Variants in RUNX3 observed in about 807,000 individuals in gnomAD.
The protein encoded by RUNX3 is RUNX family transcription factor 3.
A neutral mutation model predicts 27.7 loss-of-function variants in RUNX3; 10 were observed. The observed-to-expected ratio is 0.36, with a 90% CI of 0.22 to 0.61. The LOEUF is 0.61. RUNX3 is among the 20% of genes least tolerant of loss of function. The pLI, the probability that RUNX3 is intolerant of heterozygous loss-of-function variation, is 0.72. For synonymous variants in RUNX3, 270 were observed against 269.2 expected (o/e 1.00, Z -0.03); for missense variants, 469 against 629.5 (o/e 0.75, Z 2.73).
rs997664154 is a variant in RUNX3 at position 24,901,496 on chromosome 1, C to T, written c.*626G>A. On this transcript the variant is annotated 3_prime_UTR_variant, in exon 5 of 5. Coordinates refer to ENST00000308873, the MANE Select transcript of RUNX3 (RefSeq NM_004350.3). ...CCAACAGTTAGGAACGGAGGGGAAG[C>T]TGGGCTGGGGGGACTGGCTTGGATG... 2.0e-5 allele frequency: 3 copies of T among 152,782 alleles called. No homozygotes were observed. Among genetic ancestry groups the T allele is most frequent in the African/African-American group, 7.3e-5 (3 of 41,314 alleles). The allele number at this position is 152,782 out of a possible 1,614,324, so 9.5% of individuals were successfully genotyped here.
intron 2 of RUNX3, among the ~76,000 whole-genome samples, chr1:24,920,344 G>A (rs1457305162): frequency 6.6e-6 from 1 of 152,112 alleles, no homozygotes; most frequent in African/African-American, 2.4e-5. Flanking sequence ...GGCAGCAGAG[G>A]GTTGGGACAT....
intron 2 of RUNX3, among the ~76,000 whole-genome samples, chr1:24,952,130 A>G (rs1641782651): frequency 6.6e-6 from 1 of 152,234 alleles, no homozygotes; most frequent in Non-Finnish European, 1.5e-5. Context: ...GATTCATTTC[A>G]ATGTTGTGCT....
At chr1:24,906,665 C>A (rs1420308258) in intron 4 of RUNX3, among the ~76,000 whole-genome samples, 1 of 152,220 alleles carries the variant, frequency 6.6e-6, no homozygotes, top group Non-Finnish European at 1.5e-5. Flanking sequence ...CTCGGTCTTC[C>A]CTTCCACCTC....
intron 2 of RUNX3, among the ~76,000 whole-genome samples, chr1:24,926,029 G>C (rs1192031896): frequency 6.6e-6 from 1 of 152,188 alleles, no homozygotes; most frequent in Non-Finnish European, 1.5e-5. Flanking sequence ...CGCTTCCCAG[G>C]AGAGAGAGTG....
At position 24,902,421 on chromosome 1, in the gene RUNX3, G is replaced by T; in HGVS notation, c.949C>A (p.Gln317Lys). Residue 317 changes from glutamine (Q) to lysine (K), a missense_variant, in exon 5 of 5, where the codon CAG becomes AAG. Physicochemically the swap from Gln to Lys is moderately conservative, Grantham distance 53. This residue lies in a region of RUNX3 where 279 missense variants were observed against 343.0 expected (regional missense o/e 0.81). Coordinates refer to ENST00000308873, the MANE Select transcript of RUNX3 (RefSeq NM_004350.3). This position sits in a 1 kb window ranked among gnomAD's most constrained non-coding sequence, Gnocchi z 9.2. The part of the protein sequence containing the change: ...YLPPPYPGAP[Q>K]NQSGPFQANP... ...GCCTGGAAGGGCCCGCTCTGGTTCT[G>T]CGGGGCCCCCGGGTAGGGTGGCGGG... is the stretch of plus-strand genomic sequence containing the variant. The T allele has an allele frequency of 1.2e-6, 2 of 1,611,872 alleles. No individual in the cohort carries two copies. Among genetic ancestry groups the T allele is most frequent in the Non-Finnish European group, 1.7e-6 (2 of 1,178,918 alleles).
intron 3 of RUNX3, among the ~76,000 whole-genome samples, chr1:24,910,056 G>C (rs931481186): frequency 3.3e-5 from 5 of 152,152 alleles, no homozygotes; most frequent in Admixed American, 3.3e-4. Flanking sequence ...AAGCCGAGGC[G>C]GGCGGATCAC....
intron 4 of RUNX3, among the ~76,000 whole-genome samples, chr1:24,905,219 A>G (rs1318304806): frequency 1.3e-5 from 2 of 152,168 alleles, no homozygotes; most frequent in Non-Finnish European, 2.9e-5. Flanking sequence ...TGACTTCCCA[A>G]GCCTAGGTCT....
chr1:24,915,697 G>A (rs1640875990), intron 3 of RUNX3, among the ~76,000 whole-genome samples: 1 of 151,978 alleles, frequency 6.6e-6, no homozygotes, highest in Non-Finnish European at 1.5e-5. Context: ...CAGTGCAAAG[G>A]CCCCCGAGGC....
chr1:24,924,875 G>A (rs1641069947), intron 2 of RUNX3, among the ~76,000 whole-genome samples: 1 of 152,154 alleles, frequency 6.6e-6, no homozygotes, highest in Non-Finnish European at 1.5e-5. Flanking sequence ...ATCACTGCAG[G>A]AGACAGCAAT....
intron 2 of RUNX3, among the ~76,000 whole-genome samples, chr1:24,936,983 A>G (rs1641362690): frequency 6.6e-6 from 1 of 152,218 alleles, no homozygotes; most frequent in South Asian, 2.1e-4. Flanking sequence ...AAATAAATCA[A>G]CTATGTGCTG....
upstream of RUNX3, among the ~76,000 whole-genome samples, chr1:24,932,240 G>C (rs1211109666): frequency 6.7e-6 from 1 of 149,176 alleles, no homozygotes; most frequent in Non-Finnish European, 1.5e-5. Context: ...GTGGGCCCTG[G>C]CACCTGGCGC....
rs1025695301 is a variant in RUNX3, at chr1:24,916,403, G to A, written c.544+2837C>T. Among the ~76,000 whole-genome samples the A allele has an allele frequency of 2.6e-5, 4 of 152,184 alleles. No individual in the cohort carries two copies. The highest frequency in any genetic ancestry group is 2.1e-4 in the South Asian group (1 of 4,830). On this transcript the variant is annotated intron_variant, in intron 3 of 4. Coordinates refer to ENST00000308873, the MANE Select transcript of RUNX3 (RefSeq NM_004350.3). This position sits in a 1 kb window ranked among gnomAD's most constrained non-coding sequence, Gnocchi z 4.8. ...CCTCACTTCCCGCAGCCCCCGGGTC[G>A]GAGCCCCCAGGGTGTGCTGACAGTC...
At chr1:24,921,369 G>C (rs1035700985) in intron 2 of RUNX3, among the ~76,000 whole-genome samples, 1 of 152,152 alleles carries the variant, frequency 6.6e-6, no homozygotes, top group African/African-American at 2.4e-5. Flanking sequence ...AGACACCAGG[G>C]GGAATTTAAA....
At chr1:24,912,169 C>T (rs1053002527) in intron 3 of RUNX3, among the ~76,000 whole-genome samples, 1 of 152,244 alleles carries the variant, frequency 6.6e-6, no homozygotes, top group Non-Finnish European at 1.5e-5. Flanking sequence ...CTGGCTCTAA[C>T]CCACTCCGTC....
intron 2 of RUNX3, among the ~76,000 whole-genome samples, chr1:24,957,075 C>A (rs1181182705): frequency 6.6e-6 from 1 of 152,222 alleles, no homozygotes; most frequent in Middle Eastern, 3.2e-3. Flanking sequence ...TGACTTTGGT[C>A]ACCCTTCAAA....
intron 2 of RUNX3, among the ~76,000 whole-genome samples, chr1:24,920,359 C>T (rs924663562): frequency 1.3e-5 from 2 of 152,088 alleles, no homozygotes; most frequent in East Asian, 1.9e-4. Context: ...GGACATATTA[C>T]GGGCGCGGAT....
chr1:24,921,834 T>TGCCACAGGGCCCC (rs1641006626), intron 2 of RUNX3, among the ~76,000 whole-genome samples: 3 of 152,244 alleles, frequency 2.0e-5, no homozygotes, highest in Non-Finnish European at 4.4e-5. Flanking sequence ...CCCAGTGCCC[T>TGCCACAGGGCCCC]GCCACAGGGC....
chr1:24,931,648 C>T (rs1641231300), upstream of RUNX3, among the ~76,000 whole-genome samples: 1 of 152,322 alleles, frequency 6.6e-6, no homozygotes, highest in East Asian at 1.9e-4. Flanking sequence ...TAGGATCCGA[C>T]GGTGGCCGCA....
At chr1:24,947,457 G>T (rs1256081023) in intron 2 of RUNX3, among the ~76,000 whole-genome samples, 1 of 152,166 alleles carries the variant, frequency 6.6e-6, no homozygotes, top group Non-Finnish European at 1.5e-5. Flanking sequence ...CAGATACTCA[G>T]TGCTGAGTCA....
Sources: gnomAD v4.1 joint callset for allele counts (sites outside exome capture counted in the v4.1 genomes callset) on GRCh38, gnomAD v4.1.1 for gene constraint, gnomAD v4.1.1 regional missense constraint, Gnocchi (gnomAD v3.1) non-coding constraint, MANE v1.5 for transcripts, NCBI Gene and HGNC (gene_info 2026-07-23, HGNC 2026-07-21) for gene names.